The following APCDD1 variants were observed in gnomAD, a reference collection of about 807,000 sequenced individuals.
The protein encoded by APCDD1 is protein APCDD1.
In APCDD1, 15 loss-of-function variants were observed where a neutral mutation model predicts 38.1. The ratio of observed to expected loss-of-function variants is 0.39; its 90% CI spans 0.26 to 0.61. The LOEUF is 0.61. Ranked by LOEUF, APCDD1 falls within the 20% of genes least tolerant of loss-of-function variation. The probability of loss-of-function intolerance (pLI) is 0.49; values close to 1 mark genes in which losing one functional copy is unlikely to be tolerated. For synonymous variants in APCDD1, 261 were observed against 279.7 expected, an observed-to-expected ratio of 0.93 and a Z score of 0.67; for missense variants, 647 against 696.2, an observed-to-expected ratio of 0.93 and a Z score of 0.79.
At chr18:10,459,774 TTTAA>T (rs1170288402) in intron 1 of APCDD1, among the ~76,000 whole-genome samples, 1 of 152,230 alleles carries the variant, frequency 6.6e-6, no homozygotes, top group African/African-American at 2.4e-5. Context: ...TGACTGCTTA[TTTAA>T]TTGGGCAGGC....
chr18:10,487,234 G>A (rs1321125431), intron 4 of APCDD1, among the ~76,000 whole-genome samples: 1 of 152,126 alleles, frequency 6.6e-6, no homozygotes, highest in African/African-American at 2.4e-5. Context: ...CAATCCCAAC[G>A]AGTCAGCATC....
chr18:10,484,656 A>G (rs757585372), intron 3 of APCDD1, among the ~76,000 whole-genome samples: 9 of 152,200 alleles, frequency 5.9e-5, no homozygotes, highest in Non-Finnish European at 1.2e-4. Flanking sequence ...GGAACCTCAT[A>G]TAAGTGACAT....
chr18:10,487,135 C>G, intron 4 of APCDD1, among the ~76,000 whole-genome samples: 1 of 152,214 alleles, frequency 6.6e-6, no homozygotes, highest in Non-Finnish European at 1.5e-5. Flanking sequence ...GAATGCCAAC[C>G]AGAATAGGTG....
intron 3 of APCDD1, among the ~76,000 whole-genome samples, chr18:10,474,923 T>C (rs1192966160): frequency 4.6e-5 from 7 of 152,232 alleles, no homozygotes; most frequent in African/African-American, 1.7e-4. Flanking sequence ...TTTGGACAAA[T>C]TGGCAAGTAT....
chr18:10,455,106 C>T, intron 1 of APCDD1, 67 bp downstream of exon 1: 2 of 1,540,880 alleles, frequency 1.3e-6, no homozygotes, highest in Non-Finnish European at 1.8e-6. Flanking sequence ...GCGGAGCCCG[C>T]GGAGGCGTCG....
In APCDD1 at chr18:10,469,131, C is replaced by T. The variant is rs1251834897; in HGVS notation, c.242+479C>T. On this transcript the variant is annotated intron_variant, in intron 2 of 4. Coordinates refer to ENST00000355285, the MANE Select transcript of APCDD1 (RefSeq NM_153000.5). This position sits in a 1 kb window ranked among gnomAD's most constrained non-coding sequence, Gnocchi z 5.5. ...TGCAGTTCTTGGATTCTTTTCCATG[C>T]TATGAAGCTGAGATTTATCCCAGTT... 6.6e-6 allele frequency among the ~76,000 whole-genome samples: 1 copy of T among 152,200 alleles called. No individual in the cohort carries two copies. The highest frequency in any genetic ancestry group is 1.9e-4 in the East Asian group (1 of 5,200).
chr18:10,468,188 T>C (rs1222452457), intron 1 of APCDD1, among the ~76,000 whole-genome samples: 1 of 152,216 alleles, frequency 6.6e-6, no homozygotes, highest in East Asian at 1.9e-4. Context: ...GATGCATGGA[T>C]TTGATCTCTG....
Position 10,471,790 on chromosome 18 carries a change from A to T in APCDD1, c.503A>T (p.Asn168Ile). Residue 168 changes from asparagine to isoleucine, a missense_variant, in exon 3 of 5, where the codon AAC (asparagine) becomes ATC (isoleucine). Physicochemically the swap from Asn to Ile is moderately radical, Grantham distance 149. Transcript: ENST00000355285. This position sits in a 1 kb window ranked among gnomAD's most constrained non-coding sequence, Gnocchi z 5.5. Reference sequence around the variant, plus strand: ...GCCGAGAAGCTCGGCCAGCAGGTGAACCGCACATGCCCGGGCTTCCTCGCA... The same window carrying T: ...GCCGAGAAGCTCGGCCAGCAGGTGATCCGCACATGCCCGGGCTTCCTCGCA... ...AVAEKLGQQV[N>I]RTCPGFLADG... 6.2e-7 allele frequency: 1 copy of T among 1,613,404 alleles called. No homozygotes were observed. Among genetic ancestry groups the T allele is most frequent in the Admixed American group, 1.7e-5 (1 of 60,002 alleles).
Position 10,454,793 on chromosome 18 carries a change from C to T in APCDD1, c.-189C>T. ...GGCCGGGGCGCCCACAGCCGCCCGA[C>T]GGCGCCCAGAGAGCGCGCGCCCCGC... On this transcript the variant is annotated 5_prime_UTR_variant, in exon 1 of 5. In the 5' UTR this introduces an upstream ATG that the reference lacks. Coordinates refer to ENST00000355285, the MANE Select transcript of APCDD1 (RefSeq NM_153000.5). 2.0e-6 allele frequency: 2 copies of T among 981,146 alleles called. No homozygotes were observed. The highest frequency in any genetic ancestry group is 2.4e-6 in the Non-Finnish European group (2 of 828,688). The allele number at this position is 981,146 out of a possible 1,614,324, so 60.8% of individuals were successfully genotyped here.
In APCDD1 at chr18:10,487,956, C is replaced by T. The variant is rs147023587; in HGVS notation, c.1463C>T (p.Ala488Val). Residue 488 changes from alanine (A) to valine (V), a missense_variant, in exon 5 of 5, where the codon GCC becomes GTC. Transcript: ENST00000355285. ...AGTGGAAGCAGCCTGTATGGCCGGGCCCCTGGGAGGCACACCTGGTCCCTG... is the reference window on the plus strand; with the variant it reads ...AGTGGAAGCAGCCTGTATGGCCGGGTCCCTGGGAGGCACACCTGGTCCCTG... ...EDSGSSLYGR[A>V]PGRHTWSLLL... The T allele has an allele frequency of 7.4e-6, 12 of 1,613,556 alleles. No homozygotes were observed. The African/African-American group carries it at 1.2e-4, about 16-fold the overall frequency.
intron 3 of APCDD1, among the ~76,000 whole-genome samples, chr18:10,482,419 G>A (rs925144580): frequency 2.6e-5 from 4 of 152,220 alleles, no homozygotes; most frequent in African/African-American, 9.6e-5. Context: ...CACTACCAGC[G>A]ATGAGCTGCA....
At chr18:10,455,146 C>T in intron 1 of APCDD1, 107 bp downstream of exon 1, 2 of 1,472,922 alleles carry the variant, frequency 1.4e-6, no homozygotes, top group Non-Finnish European at 1.8e-6. Flanking sequence ...CCTACACTGT[C>T]CCCTTGGCGG....
intron 3 of APCDD1, among the ~76,000 whole-genome samples, chr18:10,481,108 G>A (rs982325029): frequency 2.0e-5 from 3 of 152,194 alleles, no homozygotes; most frequent in African/African-American, 7.2e-5. Context: ...TGATGGAAAT[G>A]TAAAATGATT....
chr18:10,466,754 C>G (rs1203685418), intron 1 of APCDD1, among the ~76,000 whole-genome samples: 1 of 152,170 alleles, frequency 6.6e-6, no homozygotes, highest in Non-Finnish European at 1.5e-5. Flanking sequence ...TGAATAATAA[C>G]AACACTAGGC....
Position 10,485,403 on chromosome 18 carries a change from T to C in APCDD1, c.775-59T>C. 2 of 1,588,570 alleles carry C rather than the reference T, an allele frequency of 1.3e-6. No individual in the cohort carries two copies. The highest frequency in any genetic ancestry group is 1.7e-6 in the Non-Finnish European group (2 of 1,162,654). On this transcript the variant is annotated intron_variant, in intron 3 of 4. Coordinates refer to ENST00000355285, the MANE Select transcript of APCDD1 (RefSeq NM_153000.5). This position sits in a 1 kb window ranked among gnomAD's most constrained non-coding sequence, Gnocchi z 5.8. The stretch of plus-strand genomic sequence containing the variant: ...TGAGACCCCATTTGCCGGAAGCATG[T>C]GTGCACTGCTCCCTTGGGAAGATAG...
At chr18:10,481,011 A>G (rs1359811894) in intron 3 of APCDD1, among the ~76,000 whole-genome samples, 2 of 152,258 alleles carry the variant, frequency 1.3e-5, no homozygotes, top group South Asian at 4.1e-4. Flanking sequence ...ACCCAGTAGG[A>G]TGGCTATTAC....
At position 10,472,263 on chromosome 18, in the gene APCDD1, T is replaced by A. The variant is rs1013466757; in HGVS notation, c.774+202T>A. On this transcript the variant is annotated intron_variant, in intron 3 of 4. Coordinates refer to ENST00000355285, the MANE Select transcript of APCDD1 (RefSeq NM_153000.5). This position sits in a 1 kb window ranked among gnomAD's most constrained non-coding sequence, Gnocchi z 6.6. The stretch of plus-strand genomic sequence containing the variant: ...GCTTTAGCCAGTCAGGAGACCTGGG[T>A]CTGCCACCAACTTGCTCTGTGACTT... Among the ~76,000 whole-genome samples the A allele has an allele frequency of 2.0e-5, 3 of 152,068 alleles. No homozygotes were observed. Among genetic ancestry groups the A allele is most frequent in the Non-Finnish European group, 4.4e-5 (3 of 67,996 alleles).
intron 3 of APCDD1, among the ~76,000 whole-genome samples, chr18:10,482,594 G>A (rs1312769310): frequency 3.9e-5 from 6 of 152,204 alleles, no homozygotes; most frequent in African/African-American, 1.4e-4. Context: ...CACAGCTTGT[G>A]TCTGATAACA....
chr18:10,481,806 G>A lies in APCDD1; in HGVS notation c.775-3656G>A, dbSNP rs562701558. ...CCTGATGGAAAACAAGCCTCCCTGC[G>A]CCTGTGCTCTCCACAAGACAAAAAA... On this transcript the variant is annotated intron_variant, in intron 3 of 4. Coordinates refer to ENST00000355285, the MANE Select transcript of APCDD1 (RefSeq NM_153000.5). Among the ~76,000 whole-genome samples, 9 of 150,354 alleles carry A rather than the reference G, an allele frequency of 6.0e-5. No individual in the cohort carries two copies. In the East Asian group the frequency reaches 9.8e-4, roughly 16 times the overall value.
Sources: allele counts gnomAD v4.1 joint callset (sites outside exome capture counted in the v4.1 genomes callset), GRCh38; gene constraint gnomAD v4.1.1; non-coding constraint Gnocchi (gnomAD v3.1); transcripts MANE v1.5; gene names NCBI Gene and HGNC (gene_info 2026-07-23, HGNC 2026-07-21).